SPAG16: variants seen among roughly 807,000 people sequenced by gnomAD.
SPAG16 encodes sperm associated antigen 16.
In SPAG16, 86 loss-of-function variants were observed where a neutral mutation model predicts 80.4. The observed-to-expected ratio is 1.07, with a 90% CI of 0.90 to 1.28. The LOEUF is 1.28. Ranked by LOEUF, SPAG16 falls within the 50% of genes most tolerant of loss-of-function variation. SPAG16 has a pLI of 0.00. For synonymous variants in SPAG16, 294 were observed against 265.9 expected (o/e 1.11, Z -1.03); for missense variants, 870 against 765.3 (o/e 1.14, Z -1.61).
chr2:214,308,832 T>C (rs554981779), intron 15 of SPAG16, among the ~76,000 whole-genome samples: 2 of 152,268 alleles, frequency 1.3e-5, no homozygotes, highest in East Asian at 3.9e-4. Flanking sequence ...GTTTTTTTAT[T>C]TTGACCTTGG....
intron 15 of SPAG16, among the ~76,000 whole-genome samples, chr2:214,387,439 A>G (rs1335069919): frequency 6.6e-6 from 1 of 152,196 alleles, no homozygotes; most frequent in Non-Finnish European, 1.5e-5. Flanking sequence ...AGATAATTTT[A>G]TGATTTATAG....
intron 9 of SPAG16, among the ~76,000 whole-genome samples, chr2:213,478,900 T>G (rs906895807): frequency 2.0e-5 from 3 of 152,102 alleles, no homozygotes; most frequent in Admixed American, 2.0e-4. Flanking sequence ...TTTAATACAT[T>G]TAATGAGTTA....
At chr2:214,266,832 A>C (rs1450637221) in intron 15 of SPAG16, among the ~76,000 whole-genome samples, 1 of 151,848 alleles carries the variant, frequency 6.6e-6, no homozygotes, top group African/African-American at 2.4e-5. Context: ...AAACAGTCCC[A>C]ATTACAAAAG....
intron 9 of SPAG16, among the ~76,000 whole-genome samples, chr2:213,465,562 T>C (rs2072638043): frequency 6.6e-6 from 1 of 152,224 alleles, no homozygotes. Context: ...GATTCTTAAC[T>C]GAACTGTAGA....
At chr2:213,350,757 A>C in intron 7 of SPAG16, 112 bp downstream of exon 7, 1 of 627,148 alleles carries the variant, frequency 1.6e-6, no homozygotes, top group East Asian at 3.0e-5. Context: ...TTTTCAACCA[A>C]CTTTCATGTA....
intron 11 of SPAG16, among the ~76,000 whole-genome samples, chr2:213,927,616 T>G (rs1262467030): frequency 6.6e-6 from 1 of 152,242 alleles, no homozygotes; most frequent in Non-Finnish European, 1.5e-5. Flanking sequence ...ATGGGAATAT[T>G]GTTTATATTT....
At chr2:213,643,891 C>T (rs568202823) in intron 10 of SPAG16, among the ~76,000 whole-genome samples, 5 of 148,256 alleles carry the variant, frequency 3.4e-5, no homozygotes, top group Non-Finnish European at 5.9e-5. Flanking sequence ...AGCAATTCTC[C>T]AGTCTCAGCC....
chr2:213,451,700 CT>C (rs760428689), intron 9 of SPAG16, among the ~76,000 whole-genome samples: 49 of 152,184 alleles, frequency 3.2e-4, no homozygotes, highest in Admixed American at 6.5e-4. Flanking sequence ...TATAAATGGG[CT>C]AGTGAGGAGG....
chr2:213,637,334 C>G (rs1013363228), intron 10 of SPAG16, among the ~76,000 whole-genome samples: 1 of 152,138 alleles, frequency 6.6e-6, no homozygotes, highest in Non-Finnish European at 1.5e-5. Context: ...CTGTTAGATT[C>G]AGCTAGTTAG....
rs532991721 is a variant in SPAG16 at position 213,986,076 on chromosome 2, C to A, written c.1401-27875C>A. Among the ~76,000 whole-genome samples the A allele has an allele frequency of 2.5e-4, 38 of 152,086 alleles. No individual in the cohort carries two copies. The South Asian group carries it at 6.6e-3, about 27-fold the overall frequency. On this transcript the variant is annotated intron_variant, in intron 12 of 15. Transcript: ENST00000331683. ...AATACAAAGCAGGGAGTAGTAGACGCTTAAAGAATAGGGAGGCTTAGTATT... is the reference window on the plus strand; with the variant it reads ...AATACAAAGCAGGGAGTAGTAGACGATTAAAGAATAGGGAGGCTTAGTATT...
At chr2:213,835,301 T>C (rs2074013730) in intron 10 of SPAG16, among the ~76,000 whole-genome samples, 2 of 152,180 alleles carry the variant, frequency 1.3e-5, no homozygotes, top group African/African-American at 4.8e-5. Flanking sequence ...ATTTTCCTTT[T>C]TGAAAAACAG....
At chr2:213,321,341 A>G (rs1303003550) in intron 5 of SPAG16, among the ~76,000 whole-genome samples, 1 of 152,052 alleles carries the variant, frequency 6.6e-6, no homozygotes, top group Non-Finnish European at 1.5e-5. Flanking sequence ...TCTGTTACTT[A>G]TTAACTCAGT....
At chr2:213,804,555 C>T (rs1355304282) in intron 10 of SPAG16, among the ~76,000 whole-genome samples, 1 of 152,078 alleles carries the variant, frequency 6.6e-6, no homozygotes, top group Non-Finnish European at 1.5e-5. Flanking sequence ...TGGTGGCAGG[C>T]GCCTGTAGTC....
chr2:213,652,738 C>T (rs192682408), intron 10 of SPAG16, among the ~76,000 whole-genome samples: 1 of 151,998 alleles, frequency 6.6e-6, no homozygotes, highest in Non-Finnish European at 1.5e-5. Context: ...TTTCAGGATT[C>T]TTTAAATATT....
chr2:213,674,977 T>C (rs866142339), intron 10 of SPAG16, among the ~76,000 whole-genome samples: 92 of 150,084 alleles, frequency 6.1e-4, no homozygotes, highest in Middle Eastern at 3.4e-3. Flanking sequence ...TCCACAATGG[T>C]TGAACTAGTT....
At chr2:213,424,818 C>T (rs1426027206) in intron 9 of SPAG16, among the ~76,000 whole-genome samples, 1 of 152,170 alleles carries the variant, frequency 6.6e-6, no homozygotes, top group Non-Finnish European at 1.5e-5. Flanking sequence ...TCTTGTTCTT[C>T]TCCTAGGCTC....
chr2:213,460,203 A>G (rs2072281155), intron 9 of SPAG16, among the ~76,000 whole-genome samples: 1 of 152,168 alleles, frequency 6.6e-6, no homozygotes, highest in African/African-American at 2.4e-5. Flanking sequence ...CTGTCTGTAA[A>G]GATACCTGCA....
intron 2 of SPAG16, among the ~76,000 whole-genome samples, chr2:213,296,692 A>G (rs1167921297): frequency 6.6e-6 from 1 of 152,214 alleles, no homozygotes; most frequent in African/African-American, 2.4e-5. Flanking sequence ...AATTGGAGAC[A>G]GGCTTTTTAT....
chr2:213,514,018 A>G lies in SPAG16; in HGVS notation c.1070+23928A>G, dbSNP rs193198270. 1.1e-3 allele frequency among the ~76,000 whole-genome samples: 167 copies of G among 152,306 alleles called. 1 individual carries two copies. The highest frequency in any genetic ancestry group is 3.4e-3 in the Middle Eastern group (1 of 294). On this transcript the variant is annotated intron_variant, in intron 10 of 15. Coordinates refer to ENST00000331683, the MANE Select transcript of SPAG16 (RefSeq NM_024532.5). ...TTGTAAGGAGAGGAAGGAGCGGTAA[A>G]TAGATACCAGACAGTTAATCTATCG...
Sources: gnomAD v4.1 joint callset for allele counts (sites outside exome capture counted in the v4.1 genomes callset) on GRCh38, gnomAD v4.1.1 for gene constraint, MANE v1.5 for transcripts, NCBI Gene and HGNC (gene_info 2026-07-23, HGNC 2026-07-21) for gene names.